CD2AP: variants seen among roughly 807,000 people sequenced by gnomAD.
The protein encoded by CD2AP is CD2 associated protein.
Under a neutral mutation model 85.1 loss-of-function variants are expected in CD2AP, and 46 were observed. That is an observed-to-expected ratio of 0.54 (90% confidence interval 0.43 to 0.69). The LOEUF is 0.69. Ranked by LOEUF, CD2AP falls within the 30% of genes least tolerant of loss-of-function variation. The probability of loss-of-function intolerance (pLI) is 0.00; values close to 1 mark genes in which losing one functional copy is unlikely to be tolerated. For synonymous variants in CD2AP, 255 were observed against 252.9 expected (o/e 1.01, Z -0.08); for missense variants, 769 against 729.5 (o/e 1.05, Z -0.62).
intron 12 of CD2AP, among the ~76,000 whole-genome samples, chr6:47,597,323 G>A (rs1016532837): frequency 1.0e-4 from 15 of 150,684 alleles, no homozygotes; most frequent in African/African-American, 3.2e-4. Flanking sequence ...TAATCACAGA[G>A]CAGCTGAACT....
chr6:47,510,942 G>A lies in CD2AP; in HGVS notation c.165+7502G>A, dbSNP rs753607515. Reference sequence around the variant, plus strand: ...ACAAAAATTAGCTGGGCATGGTGGCGTGCGCCTGTAGTCCCAGCTACTCAG... The same window carrying A: ...ACAAAAATTAGCTGGGCATGGTGGCATGCGCCTGTAGTCCCAGCTACTCAG... On this transcript the variant is annotated intron_variant, in intron 2 of 17. Coordinates refer to ENST00000359314, the MANE Select transcript of CD2AP (RefSeq NM_012120.3). Among the ~76,000 whole-genome samples, 9 of 151,828 alleles carry A rather than the reference G, an allele frequency of 5.9e-5. No individual in the cohort carries two copies. In the South Asian group the frequency reaches 8.3e-4, roughly 14 times the overall value.
chr6:47,609,570 A>G, intron 16 of CD2AP: 1 of 341,650 alleles, frequency 2.9e-6, no homozygotes, highest in Non-Finnish European at 5.4e-6. Context: ...TTGGTGACAC[A>G]TCCCTGTGGT....
chr6:47,586,954 G>A (rs955261226), intron 11 of CD2AP, among the ~76,000 whole-genome samples: 6 of 152,296 alleles, frequency 3.9e-5, no homozygotes, highest in Non-Finnish European at 8.8e-5. Flanking sequence ...TTTTCAGAAT[G>A]TTCTCATACA....
chr6:47,554,535 T>G, intron 4 of CD2AP, 111 bp from the exon 5 acceptor site: 1 of 1,037,204 alleles, frequency 9.6e-7, no homozygotes, highest in Non-Finnish European at 1.5e-6. Context: ...AAGGGTTTAT[T>G]TCATAGTGCT....
Position 47,545,820 on chromosome 6 carries a change from C to T in CD2AP, c.420+1114C>T, listed in dbSNP as rs572767908. ...CCCTAGGAAAAGAGGGAGAGTACTA[C>T]GTAAAGGAGCACCCCATGGGACAAA... On this transcript the variant is annotated intron_variant, in intron 4 of 17. Transcript: ENST00000359314. 1.2e-4 allele frequency among the ~76,000 whole-genome samples: 18 copies of T among 152,206 alleles called. No individual in the cohort carries two copies. In the South Asian group the frequency reaches 1.2e-3, roughly 11 times the overall value.
intron 11 of CD2AP, among the ~76,000 whole-genome samples, chr6:47,584,352 T>C (rs909857072): frequency 2.6e-5 from 4 of 152,206 alleles, no homozygotes; most frequent in African/African-American, 9.6e-5. Flanking sequence ...TTTTGTGTTT[T>C]ACATTTAGGT....
intron 2 of CD2AP, among the ~76,000 whole-genome samples, chr6:47,508,524 T>A (rs983536821): frequency 2.0e-5 from 3 of 146,978 alleles, no homozygotes; most frequent in African/African-American, 7.5e-5. Context: ...GACTCAAACT[T>A]TCTTTCTTTC....
In CD2AP at chr6:47,624,677, CTCTG is replaced by C. The variant is rs886061524; in HGVS notation, c.*452_*455del. On this transcript the variant is annotated 3_prime_UTR_variant, in exon 18 of 18. Transcript: ENST00000359314. ...TTCCATAATGCATAAGGGATATAAA[CTCTG>C]TGTGTGTGTGTGTGTGTGTGTGTGT... 1.3e-4 allele frequency: 14 copies of C among 106,132 alleles called. No homozygotes were observed. The East Asian group carries it at 3.2e-3, about 24-fold the overall frequency. 6.6% of individuals were successfully genotyped at this position (106,132 alleles called of 1,614,324 possible). A position where few individuals can be genotyped will look rare whatever the true frequency, so the allele number is the denominator to read the frequency against.
chr6:47,502,195 G>A (rs372419564), intron 1 of CD2AP, among the ~76,000 whole-genome samples: 41 of 152,312 alleles, frequency 2.7e-4, no homozygotes, highest in African/African-American at 9.9e-4. Context: ...CTCTCTATAG[G>A]TTGGCTTACA....
rs774722436 is a variant in CD2AP, at chr6:47,607,962, A to C, written c.1566A>C (p.Pro522=). Reference sequence around the variant, plus strand: ...GCCCCGAAAAAATCTTGAAGTTACCAAAAGAAGAAGACAGTGCCAACCTGA... The same window carrying C: ...GCCCCGAAAAAATCTTGAAGTTACCCAAAGAAGAAGACAGTGCCAACCTGA... ...THSPEKILKL[P]KEEDSANLKP... The change falls in exon 15 of 18, where the codon CCA becomes CCC. Residue 522 remains proline (P), a synonymous_variant. Coordinates refer to ENST00000359314, the MANE Select transcript of CD2AP (RefSeq NM_012120.3). 39 of 1,612,848 alleles carry C rather than the reference A, an allele frequency of 2.4e-5. No individual in the cohort carries two copies. The highest frequency in any genetic ancestry group is 3.1e-5 in the Non-Finnish European group (36 of 1,179,240).
At chr6:47,500,621 C>T (rs1388280358) in intron 1 of CD2AP, among the ~76,000 whole-genome samples, 5 of 152,144 alleles carry the variant, frequency 3.3e-5, no homozygotes, top group Admixed American at 3.3e-4. Context: ...AGGTTATTTT[C>T]ATCTTTTTTC....
chr6:47,561,342 C>A (rs1767856396), intron 5 of CD2AP, among the ~76,000 whole-genome samples: 1 of 152,100 alleles, frequency 6.6e-6, no homozygotes, highest in African/African-American at 2.4e-5. Flanking sequence ...GATTAGTTTG[C>A]AGTATTATGT....
At chr6:47,544,744 T>A in intron 4 of CD2AP, 38 bp downstream of exon 4, 1 of 1,145,030 alleles carries the variant, frequency 8.7e-7, no homozygotes, top group Non-Finnish European at 1.3e-6. Context: ...ACAGTAATGG[T>A]AATTGATGCT....
Position 47,554,638 on chromosome 6 carries a change from T to A in CD2AP, c.421-8T>A. On this transcript the variant is annotated splice_polypyrimidine_tract_variant and splice_region_variant and intron_variant, in intron 4 of 17. Coordinates refer to ENST00000359314, the MANE Select transcript of CD2AP (RefSeq NM_012120.3). ...TTGTTTTTGCTTTTGAATTGTGAAC[T>A]TTTTCAGGTAGAAGAAGGCTGGTGG... is the stretch of plus-strand genomic sequence containing the variant. 6.2e-7 allele frequency: 1 copy of A among 1,613,496 alleles called. No individual in the cohort carries two copies. The highest frequency in any genetic ancestry group is 8.5e-7 in the Non-Finnish European group (1 of 1,179,622).
chr6:47,571,276 G>A (rs933185224), intron 5 of CD2AP, among the ~76,000 whole-genome samples: 3 of 152,068 alleles, frequency 2.0e-5, no homozygotes, highest in Admixed American at 1.3e-4. Flanking sequence ...GGAGCAAGAT[G>A]GTATGGAATT....
chr6:47,532,411 AC>A lies in CD2AP; in HGVS notation c.166-1190del, dbSNP rs1348143821. ...CACACACACACACACACACACACACACACACACACAATACTTGCCATATCAA... is the reference window on the plus strand; with the variant it reads ...CACACACACACACACACACACACACAACACACACAATACTTGCCATATCAA... On this transcript the variant is annotated intron_variant, in intron 2 of 17. Coordinates refer to ENST00000359314, the MANE Select transcript of CD2AP (RefSeq NM_012120.3). 9.3e-5 allele frequency among the ~76,000 whole-genome samples: 8 copies of A among 86,040 alleles called. No homozygotes were observed. The East Asian group carries it at 1.7e-3, about 18-fold the overall frequency. The allele number at this position is 86,040 out of a possible 152,430, so 56.4% of individuals were successfully genotyped here. A position where few individuals can be genotyped will look rare whatever the true frequency, so the allele number is the denominator to read the frequency against.
At chr6:47,592,470 A>G (rs1768828267) in intron 11 of CD2AP, among the ~76,000 whole-genome samples, 1 of 152,186 alleles carries the variant, frequency 6.6e-6, no homozygotes. Context: ...TGATCTAATA[A>G]GGAATGTGCA....
chr6:47,502,921 AAGAG>A (rs1259064239), intron 1 of CD2AP, among the ~76,000 whole-genome samples: 1 of 152,190 alleles, frequency 6.6e-6, no homozygotes, highest in Non-Finnish European at 1.5e-5. Flanking sequence ...TTGGCAGTCA[AAGAG>A]AGAGAATTAC....
intron 4 of CD2AP, among the ~76,000 whole-genome samples, chr6:47,546,615 T>C (rs185347144): frequency 6.6e-6 from 1 of 152,202 alleles, no homozygotes; most frequent in African/African-American, 2.4e-5. Context: ...TTTGGGGGAA[T>C]AATCAGAAAA....
Sources: gnomAD v4.1 joint callset for allele counts (sites outside exome capture counted in the v4.1 genomes callset) on GRCh38, gnomAD v4.1.1 for gene constraint, MANE v1.5 for transcripts, NCBI Gene and HGNC (gene_info 2026-07-23, HGNC 2026-07-21) for gene names.